The following FLNB variants were observed in gnomAD, a reference collection of about 807,000 sequenced individuals.
FLNB encodes filamin B.
Under a neutral mutation model 250.6 loss-of-function variants are expected in FLNB, and 111 were observed. The observed-to-expected ratio is 0.44, with a 90% CI of 0.38 to 0.52. The LOEUF is 0.52. FLNB is among the 20% of genes least tolerant of loss of function. The pLI is 0.00. For missense variants in FLNB, 2,869 were observed against 3,447.8 expected, an observed-to-expected ratio of 0.83 and a Z score of 4.20; for synonymous variants, 1,302 against 1,372.1, an observed-to-expected ratio of 0.95 and a Z score of 1.13.
rs1189230477 is a variant in FLNB at position 58,153,369 on chromosome 3, T to C, written c.6368-6T>C. On this transcript the variant is annotated splice_polypyrimidine_tract_variant and splice_region_variant and intron_variant, in intron 38 of 45. Transcript: ENST00000295956. ...TTCTCTCCCCCAACCTCCCTCCCTC[T>C]TTCAGAAATCAACAGCAGTGATATG... 3 of 1,614,048 alleles carry C rather than the reference T, an allele frequency of 1.9e-6. No homozygotes were observed. The South Asian group carries it at 3.3e-5, about 18-fold the overall frequency.
At chr3:58,162,777 T>C (rs778966812) in intron 42 of FLNB, 26 of 304,946 alleles carry the variant, frequency 8.5e-5, no homozygotes, top group Non-Finnish European at 1.5e-4. Context: ...ACTTGTATCA[T>C]CATTTTAGTG....
At chr3:58,121,997 G>A (rs1576755688) in intron 20 of FLNB, among the ~76,000 whole-genome samples, 1 of 151,198 alleles carries the variant, frequency 6.6e-6, no homozygotes, top group South Asian at 2.1e-4. Context: ...GTGAAACCCC[G>A]TCTCCACTAA....
chr3:58,067,583 T>A (rs200736458), intron 1 of FLNB, among the ~76,000 whole-genome samples: 1 of 116,382 alleles, frequency 8.6e-6, no homozygotes, highest in African/African-American at 3.8e-5. Context: ...TTTTTTTTGT[T>A]TGTTTTTTTG....
chr3:58,137,678 G>C (rs1203909366), intron 28 of FLNB, among the ~76,000 whole-genome samples: 1 of 152,202 alleles, frequency 6.6e-6, no homozygotes, highest in Non-Finnish European at 1.5e-5. Flanking sequence ...CTGGTCACTG[G>C]GGAGAGGTTG....
chr3:58,097,808 C>T lies in FLNB; in HGVS notation c.985-7C>T. On this transcript the variant is annotated splice_polypyrimidine_tract_variant and splice_region_variant and intron_variant, in intron 6 of 45. Coordinates refer to ENST00000295956, the MANE Select transcript of FLNB (RefSeq NM_001457.4). Reference sequence around the variant, plus strand: ...TTATGTATTTCTCACCTATCTGTCACCTATAGGTCACAGTCCTCTTTGCAG... The same window carrying T: ...TTATGTATTTCTCACCTATCTGTCATCTATAGGTCACAGTCCTCTTTGCAG... 1.2e-6 allele frequency: 2 copies of T among 1,613,740 alleles called. No homozygotes were observed. The highest frequency in any genetic ancestry group is 1.1e-5 in the South Asian group (1 of 91,024).
chr3:58,054,770 G>A (rs759591104), intron 1 of FLNB, among the ~76,000 whole-genome samples: 2 of 152,110 alleles, frequency 1.3e-5, no homozygotes, highest in African/African-American at 2.4e-5. Flanking sequence ...CATCAGTGTT[G>A]TTACACACCA....
chr3:58,066,148 A>G (rs1412801001), intron 1 of FLNB, among the ~76,000 whole-genome samples: 1 of 151,636 alleles, frequency 6.6e-6, no homozygotes, highest in Non-Finnish European at 1.5e-5. Context: ...TTAGAACGCA[A>G]TTGCTTTGAC....
intron 1 of FLNB, among the ~76,000 whole-genome samples, chr3:58,061,123 C>T (rs954567235): frequency 2.6e-5 from 4 of 152,178 alleles, no homozygotes; most frequent in Non-Finnish European, 4.4e-5. Context: ...AAGGCCATTG[C>T]CCTACCACCC....
rs759061129 is a variant in FLNB at position 58,008,656 on chromosome 3, A to G, written c.92A>G (p.Lys31Arg). 6.2e-7 allele frequency: 1 copy of G among 1,614,154 alleles called. No homozygotes were observed. The highest frequency in any genetic ancestry group is 8.5e-7 in the Non-Finnish European group (1 of 1,180,006). The change falls in exon 1 of 46, where the codon AAG becomes AGG. Residue 31 changes from lysine to arginine, a missense_variant. Coordinates refer to ENST00000295956, the MANE Select transcript of FLNB (RefSeq NM_001457.4). ...TFTRWCNEHL[K>R]CVNKRIGNLQ... ...ACACGCTGGTGCAACGAGCACCTCA[A>G]GTGCGTGAACAAACGCATCGGCAAC... is the stretch of plus-strand genomic sequence containing the variant.
At chr3:58,088,041 T>C (rs79313563) in intron 4 of FLNB, among the ~76,000 whole-genome samples, 1 of 54,112 alleles carries the variant, frequency 1.8e-5, no homozygotes, top group Non-Finnish European at 3.2e-5. Flanking sequence ...GCCCAGCCTT[T>C]TTTTTTTTTT....
rs1307182820 is a variant in FLNB, at chr3:58,142,561, G to A, written c.5182-89G>A. On this transcript the variant is annotated intron_variant, in intron 30 of 45. Transcript: ENST00000295956. This position sits in a 1 kb window ranked among gnomAD's most constrained non-coding sequence, Gnocchi z 4.3. Reference sequence around the variant, plus strand: ...TCCCAAATCCCGGCCTCACTGGCTTGTAGAATTCCCAGCAGCTCTAACCCC... The same window carrying A: ...TCCCAAATCCCGGCCTCACTGGCTTATAGAATTCCCAGCAGCTCTAACCCC... The A allele has an allele frequency of 1.7e-5, 19 of 1,147,484 alleles. No individual in the cohort carries two copies. Among genetic ancestry groups the A allele is most frequent in the Non-Finnish European group, 2.3e-5 (18 of 774,604 alleles). The allele number at this position is 1,147,484 out of a possible 1,614,324, so 71.1% of individuals were successfully genotyped here. A position where few individuals can be genotyped will look rare whatever the true frequency, so the allele number is the denominator to read the frequency against.
chr3:58,088,699 C>T (rs2097221185), intron 4 of FLNB, among the ~76,000 whole-genome samples: 1 of 152,176 alleles, frequency 6.6e-6, no homozygotes, highest in South Asian at 2.1e-4. Context: ...CAGGAAAGGG[C>T]AGCCCAGTGA....
In FLNB at chr3:58,024,189, C is replaced by G. The variant is rs375464811; in HGVS notation, c.292+15333C>G. Among the ~76,000 whole-genome samples, 11 of 152,292 alleles carry G rather than the reference C, an allele frequency of 7.2e-5. No homozygotes were observed. In the East Asian group the frequency reaches 2.1e-3, roughly 29 times the overall value. ...ATGGAAACCACTTCTGGATACAGAT[C>G]CAGCCACTTCCGGAGTGCTTCAGAG... On this transcript the variant is annotated intron_variant, in intron 1 of 45. Transcript: ENST00000295956.
At chr3:58,077,375 GCTATC>G in intron 2 of FLNB, 81 bp downstream of exon 2, 1 of 1,524,708 alleles carries the variant, frequency 6.6e-7, no homozygotes. Context: ...CAACGGGAAT[GCTATC>G]TTTGCTTTGA....
intron 1 of FLNB, among the ~76,000 whole-genome samples, chr3:58,071,931 C>T (rs941231075): frequency 6.6e-6 from 1 of 152,182 alleles, no homozygotes; most frequent in Non-Finnish European, 1.5e-5. Flanking sequence ...TTCCAAGATG[C>T]TTCTGAAGAT....
intron 1 of FLNB, among the ~76,000 whole-genome samples, chr3:58,076,043 A>G (rs182834261): frequency 6.6e-6 from 1 of 152,332 alleles, no homozygotes; most frequent in East Asian, 1.9e-4. Context: ...GAAAGGGGCC[A>G]TGATTTTGGC....
chr3:58,100,364 TAAA>T (rs1553696183), intron 8 of FLNB, among the ~76,000 whole-genome samples: 1 of 25,518 alleles, frequency 3.9e-5, no homozygotes, highest in African/African-American at 3.8e-4. Context: ...TTTACATATG[TAAA>T]AAAAAAATAT....
intron 1 of FLNB, among the ~76,000 whole-genome samples, chr3:58,025,620 A>G (rs1321410231): frequency 6.6e-6 from 1 of 152,100 alleles, no homozygotes; most frequent in Non-Finnish European, 1.5e-5. Context: ...TGTCGTCCAT[A>G]TGCTGAATGT....
chr3:58,127,325 C>CA (rs879263542), intron 24 of FLNB, among the ~76,000 whole-genome samples: 1,932 of 117,820 alleles, frequency 0.016, 43 homozygotes, highest in East Asian at 0.079. Context: ...GACCCTGTCT[C>CA]AAAAAAAAAA....
Sources: gnomAD v4.1 joint callset for allele counts (sites outside exome capture counted in the v4.1 genomes callset) on GRCh38, gnomAD v4.1.1 for gene constraint, Gnocchi (gnomAD v3.1) non-coding constraint, MANE v1.5 for transcripts, NCBI Gene and HGNC (gene_info 2026-07-23, HGNC 2026-07-21) for gene names.